Variants in FAM135B observed in about 807,000 individuals in gnomAD.
FAM135B encodes the protein family with sequence similarity 135 member B.
FAM135B carries 43 observed loss-of-function variants against 127.7 expected under a neutral mutation model. The ratio of observed to expected loss-of-function variants is 0.34; its 90% confidence interval spans 0.26 to 0.43. FAM135B has a LOEUF of 0.43. Among genes scored for constraint, FAM135B ranks in the 20% least tolerant of loss-of-function variants. The pLI is 1.00. For synonymous variants in FAM135B, 670 were observed against 665.1 expected, an observed-to-expected ratio of 1.01 and a Z score of -0.11; for missense variants, 1,558 against 1,725.6, an observed-to-expected ratio of 0.90 and a Z score of 1.72.
chr8:138,338,770 A>C (rs1365188431), intron 2 of FAM135B, among the ~76,000 whole-genome samples: 1 of 152,206 alleles, frequency 6.6e-6, no homozygotes, highest in Non-Finnish European at 1.5e-5. Context: ...GTATATACCC[A>C]AAGGATTATA....
At chr8:138,352,702 A>G (rs894522777) in intron 2 of FAM135B, among the ~76,000 whole-genome samples, 2 of 152,156 alleles carry the variant, frequency 1.3e-5, no homozygotes, top group African/African-American at 2.4e-5. Context: ...AATGCCCCCC[A>G]CTAGGAGGGT....
At chr8:138,441,379 C>A (rs1051306838) in intron 1 of FAM135B, 1 of 152,178 alleles carries the variant, frequency 6.6e-6, no homozygotes, top group Non-Finnish European at 1.5e-5. Context: ...AATTTGCACA[C>A]CCAACAAGTC....
intron 2 of FAM135B, among the ~76,000 whole-genome samples, chr8:138,344,742 A>G (rs997669165): frequency 2.0e-5 from 3 of 151,780 alleles, no homozygotes; most frequent in Admixed American, 6.6e-5. Flanking sequence ...CACCCAGCTA[A>G]TTTTTTGTAT....
chr8:138,477,519 T>C (rs1406965254), intron 1 of FAM135B: 1 of 152,194 alleles, frequency 6.6e-6, no homozygotes. Context: ...TTGATCGTCA[T>C]GGCTACAAGG....
rs78187061 is a variant in FAM135B, at chr8:138,175,524, T to C, written c.1103+1823A>G. 2.7e-4 allele frequency among the ~76,000 whole-genome samples: 41 copies of C among 152,366 alleles called. No homozygotes were observed. The East Asian group carries it at 6.4e-3, about 24-fold the overall frequency. On this transcript the variant is annotated intron_variant, in intron 11 of 19. Transcript: ENST00000395297. ...CTACTCAGTGTTGCCTTGGAGCCCATTCACGCTGGTTTGCAAGAGCTAACT... is the reference window on the plus strand; with the variant it reads ...CTACTCAGTGTTGCCTTGGAGCCCACTCACGCTGGTTTGCAAGAGCTAACT...
intron 12 of FAM135B, among the ~76,000 whole-genome samples, chr8:138,164,783 G>A (rs985704986): frequency 6.6e-6 from 1 of 152,194 alleles, no homozygotes; most frequent in Non-Finnish European, 1.5e-5. Flanking sequence ...TGACCACCTT[G>A]GGTACATGTC....
At chr8:138,309,012 A>T (rs1280547230) in intron 3 of FAM135B, 3 of 455,116 alleles carry the variant, frequency 6.6e-6, no homozygotes, top group Non-Finnish European at 1.3e-5. Flanking sequence ...TCTTGTTCTG[A>T]CATATGTATA....
chr8:138,439,833 G>C (rs1016259401), intron 1 of FAM135B: 3 of 152,170 alleles, frequency 2.0e-5, no homozygotes, highest in African/African-American at 7.2e-5. Flanking sequence ...CCTGAAATTT[G>C]GAACCAGTTA....
intron 3 of FAM135B, among the ~76,000 whole-genome samples, chr8:138,266,057 C>A (rs893795392): frequency 3.3e-5 from 5 of 152,150 alleles, no homozygotes; most frequent in African/African-American, 1.2e-4. Context: ...CCATCCCTTA[C>A]AAGCGATAAA....
At chr8:138,245,364 C>A (rs1416792885) in intron 6 of FAM135B, among the ~76,000 whole-genome samples, 3 of 152,110 alleles carry the variant, frequency 2.0e-5, no homozygotes, top group Non-Finnish European at 2.9e-5. Context: ...TTTTGTAATA[C>A]CCACATGTTG....
intron 2 of FAM135B, among the ~76,000 whole-genome samples, chr8:138,357,574 A>G (rs1830171072): frequency 6.6e-6 from 1 of 152,176 alleles, no homozygotes; most frequent in Non-Finnish European, 1.5e-5. Context: ...AAACATACAC[A>G]GATACATATA....
At chr8:138,336,097 A>T (rs2036597724) in intron 2 of FAM135B, among the ~76,000 whole-genome samples, 2 of 152,078 alleles carry the variant, frequency 1.3e-5, no homozygotes, top group South Asian at 4.2e-4. Flanking sequence ...TCTGGGACAC[A>T]TTCAAAGCAG....
intron 12 of FAM135B, among the ~76,000 whole-genome samples, chr8:138,158,450 TTAAAC>T (rs934365284): frequency 2.7e-4 from 41 of 152,072 alleles, no homozygotes; most frequent in Middle Eastern, 3.4e-3. Context: ...AATTGACAAA[TTAAAC>T]TAAAGAGCTT....
intron 16 of FAM135B, chr8:138,142,722 A>T (rs957921315): frequency 1.3e-5 from 4 of 304,028 alleles, no homozygotes; most frequent in Admixed American, 4.7e-5. Flanking sequence ...CAAGATTCCA[A>T]CTTGTGAGTG....
intron 12 of FAM135B, among the ~76,000 whole-genome samples, chr8:138,160,232 C>T (rs950646925): frequency 1.3e-5 from 2 of 151,924 alleles, no homozygotes; most frequent in Non-Finnish European, 2.9e-5. Flanking sequence ...AATAAAAATG[C>T]GATCAAATTT....
chr8:138,322,903 A>G (rs1377289374), intron 2 of FAM135B, among the ~76,000 whole-genome samples: 1 of 152,236 alleles, frequency 6.6e-6, no homozygotes, highest in Non-Finnish European at 1.5e-5. Flanking sequence ...AGTCCTGCCA[A>G]TAAAAGAGGC....
At chr8:138,273,547 G>C (rs1823558874) in intron 3 of FAM135B, among the ~76,000 whole-genome samples, 3 of 152,152 alleles carry the variant, frequency 2.0e-5, no homozygotes. Flanking sequence ...AAGAAAGCAG[G>C]CTTGGCCCAG....
chr8:138,310,711 G>T lies in FAM135B; in HGVS notation c.157+130C>A, dbSNP rs188972755. ...CTGTTGGTTTCCATTTCCAAAATTC[G>T]CCATCCAACATTCACCACAGATTGA... On this transcript the variant is annotated intron_variant, in intron 3 of 19. Coordinates refer to ENST00000395297, the MANE Select transcript of FAM135B (RefSeq NM_015912.4). 8.1e-6 allele frequency: 6 copies of T among 738,302 alleles called. No homozygotes were observed. The African/African-American group carries it at 9.0e-5, about 11-fold the overall frequency. 45.7% of individuals were successfully genotyped at this position (738,302 alleles called of 1,614,324 possible).
In FAM135B at chr8:138,130,215, G is replaced by T. The variant is rs1816089809; in HGVS notation, c.*2378C>A. On this transcript the variant is annotated 3_prime_UTR_variant, in exon 20 of 20. Transcript: ENST00000395297. ...TAATATATATTTATATATATTTTATGTATATATATTTATATATTCGATATC... is the reference window on the plus strand; with the variant it reads ...TAATATATATTTATATATATTTTATTTATATATATTTATATATTCGATATC... 1 of 149,246 alleles carries T rather than the reference G, an allele frequency of 6.7e-6. No individual in the cohort carries two copies. The highest frequency in any genetic ancestry group is 2.1e-4 in the South Asian group (1 of 4,786). The allele number at this position is 149,246 out of a possible 1,614,324, so 9.2% of individuals were successfully genotyped here.
Sources: gnomAD v4.1 joint callset for allele counts (sites outside exome capture counted in the v4.1 genomes callset) on GRCh38, gnomAD v4.1.1 for gene constraint, MANE v1.5 for transcripts, NCBI Gene and HGNC (gene_info 2026-07-23, HGNC 2026-07-21) for gene names.